Variants in ZNF780A observed in about 807,000 individuals in gnomAD.
ZNF780A encodes the protein zinc finger protein 780A.
Under a neutral mutation model 56.7 loss-of-function variants are expected in ZNF780A, and 40 were observed. That is an observed-to-expected ratio of 0.71 (90% CI 0.55 to 0.92). ZNF780A has a LOEUF of 0.92. Ranked by LOEUF, ZNF780A falls within the 40% of genes least tolerant of loss-of-function variation. The pLI is 0.00. For synonymous variants in ZNF780A, 231 were observed against 248.3 expected (o/e 0.93, Z 0.66); for missense variants, 672 against 783.3 (o/e 0.86, Z 1.70).
At chr19:40,085,296 G>A in intron 2 of ZNF780A, 3 of 985,424 alleles carry the variant, frequency 3.0e-6, no homozygotes, top group Non-Finnish European at 2.4e-6. Context: ...GCACCAAATT[G>A]CACTGACAGT....
At position 40,075,751 on chromosome 19, in the gene ZNF780A, T is replaced by C; in HGVS notation, c.691A>G (p.Ser231Gly). The change falls in exon 6 of 6, where the codon AGT (serine) becomes GGT (glycine). Residue 231 changes from serine to glycine, a missense_variant. Physicochemically the swap from Ser to Gly is moderately conservative, Grantham distance 56. Coordinates refer to ENST00000683561, the MANE Select transcript of ZNF780A (RefSeq NM_001142578.2). ...TGGCGATTAAGCAGGGTAAGAAGAC[T>C]AAAGGCCTTTCCACATTCGTTACAT... ...FECNECGKAF[S>G]LLTLLNRHKN... is the part of the protein sequence containing the mutation. 1 of 1,614,118 alleles carries C rather than the reference T, an allele frequency of 6.2e-7. No individual in the cohort carries two copies. The highest frequency in any genetic ancestry group is 8.5e-7 in the Non-Finnish European group (1 of 1,180,020).
intron 5 of ZNF780A, among the ~76,000 whole-genome samples, chr19:40,080,774 C>G (rs8106043): frequency 0.015 from 2,269 of 152,194 alleles, 31 homozygotes; most frequent in African/African-American, 0.031. Flanking sequence ...CCCACCACAA[C>G]ATGCAATTTA....
chr19:40,080,535 G>A (rs540478185), intron 5 of ZNF780A, among the ~76,000 whole-genome samples: 1 of 152,262 alleles, frequency 6.6e-6, no homozygotes, highest in African/African-American at 2.4e-5. Flanking sequence ...CAATATGGAT[G>A]GCATTGGATG....
chr19:40,084,035 G>C (rs1210954296), intron 3 of ZNF780A, among the ~76,000 whole-genome samples: 35 of 151,938 alleles, frequency 2.3e-4, no homozygotes, highest in Admixed American at 2.3e-3. Flanking sequence ...GTGCAGCTGG[G>C]ATTACAGGTG....
intron 5 of ZNF780A, among the ~76,000 whole-genome samples, chr19:40,077,907 C>A (rs150068794): frequency 2.7e-4 from 39 of 147,160 alleles, no homozygotes; most frequent in African/African-American, 9.2e-4. Context: ...GAGAAGGAAA[C>A]TTGACATCTC....
At chr19:40,081,492 T>A (rs918481253) in intron 5 of ZNF780A, among the ~76,000 whole-genome samples, 3 of 150,728 alleles carry the variant, frequency 2.0e-5, no homozygotes, top group Admixed American at 6.6e-5. Context: ...AAGATCAGAT[T>A]ACTGCACTCC....
chr19:40,086,910 C>A (rs1974831654), intron 2 of ZNF780A, among the ~76,000 whole-genome samples: 1 of 152,088 alleles, frequency 6.6e-6, no homozygotes, highest in African/African-American at 2.4e-5. Flanking sequence ...ACCACGTTGG[C>A]AAGGCTGGTC....
In ZNF780A at chr19:40,075,605, A is replaced by G. The variant is rs755904784; in HGVS notation, c.837T>C (p.Cys279=). The change falls in exon 6 of 6, where the codon TGT becomes TGC. Residue 279 remains cysteine (C), a synonymous_variant. Coordinates refer to ENST00000683561, the MANE Select transcript of ZNF780A (RefSeq NM_001142578.2). ...SIHSGVKPYE[C]KECGKGFNRG... ...GATTAAAGCCTTTCCCACACTCCTT[A>G]CATTCATATGGTTTTACACCAGAAT... 1 of 1,613,752 alleles carries G rather than the reference A, an allele frequency of 6.2e-7. No individual in the cohort carries two copies. Among genetic ancestry groups the G allele is most frequent in the African/African-American group, 1.3e-5 (1 of 74,820 alleles).
Position 40,074,045 on chromosome 19 carries a change from A to G in ZNF780A, c.*471T>C. Reference sequence around the variant, plus strand: ...GTTTCATACCAGTATGAATTCTTTGATGTGCAGTCAGGACCAAACTAAATC... The same window carrying G: ...GTTTCATACCAGTATGAATTCTTTGGTGTGCAGTCAGGACCAAACTAAATC... On this transcript the variant is annotated 3_prime_UTR_variant, in exon 6 of 6. Coordinates refer to ENST00000683561, the MANE Select transcript of ZNF780A (RefSeq NM_001142578.2). The G allele has an allele frequency of 1.6e-6, 2 of 1,216,870 alleles. No homozygotes were observed. Among genetic ancestry groups the G allele is most frequent in the Non-Finnish European group, 1.0e-6 (1 of 958,706 alleles). The allele number at this position is 1,216,870 out of a possible 1,614,324, so 75.4% of individuals were successfully genotyped here.
intron 2 of ZNF780A, among the ~76,000 whole-genome samples, chr19:40,086,625 T>C (rs1242471144): frequency 6.6e-6 from 1 of 150,918 alleles, no homozygotes; most frequent in Non-Finnish European, 1.5e-5. Context: ...TCTTATAGAA[T>C]GCCTTCAGAT....
chr19:40,079,775 T>C (rs1974367577), intron 5 of ZNF780A, among the ~76,000 whole-genome samples: 1 of 152,040 alleles, frequency 6.6e-6, no homozygotes, highest in South Asian at 2.1e-4. Flanking sequence ...AAAAATTTCT[T>C]GAAACAAATG....
At chr19:40,085,287 C>G in intron 2 of ZNF780A, 1 of 985,436 alleles carries the variant, frequency 1.0e-6, no homozygotes, top group Non-Finnish European at 1.2e-6. Flanking sequence ...GCAGTGTTTG[C>G]ACCAAATTGC....
chr19:40,074,658 C>T lies in ZNF780A; in HGVS notation c.1784G>A (p.Arg595Gln), dbSNP rs1241311085. Residue 595 changes from arginine to glutamine, a missense_variant, in exon 6 of 6, where the codon CGA becomes CAA. By Grantham distance (43) the Arg-to-Gln change is conservative. Coordinates refer to ENST00000683561, the MANE Select transcript of ZNF780A (RefSeq NM_001142578.2). ...ATGTCGAATAAGTTGCATATGAAGT[C>T]GAAAGGCTTTCCCACACTCCTTACA... ...FECKECGKAF[R>Q]LHMQLIRHQK... is the part of the protein sequence containing the mutation. 4.3e-6 allele frequency: 7 copies of T among 1,613,492 alleles called. No homozygotes were observed. Among genetic ancestry groups the T allele is most frequent in the East Asian group, 2.2e-5 (1 of 44,862 alleles).
intron 5 of ZNF780A, among the ~76,000 whole-genome samples, chr19:40,078,039 C>T (rs1277802737): frequency 6.7e-6 from 1 of 149,416 alleles, no homozygotes; most frequent in Non-Finnish European, 1.5e-5. Flanking sequence ...TTCGGAAGAA[C>T]AATACAAACA....
chr19:40,081,890 A>G lies in ZNF780A; in HGVS notation c.161T>C (p.Val54Ala). The change falls in exon 5 of 6, where the codon GTA (valine) becomes GCA (alanine). Residue 54 changes from valine (V) to alanine (A), a missense_variant. Physicochemically the swap from Val to Ala is moderately conservative, Grantham distance 64. Coordinates refer to ENST00000683561, the MANE Select transcript of ZNF780A (RefSeq NM_001142578.2). ...TTTCTCTTGCTCTAGTAACGTAATT[A>G]CATCTGGTTTAGAAATGGAACTTCC... is the stretch of plus-strand genomic sequence containing the variant. ...SLGSSISKPD[V>A]ITLLEQEKEP... is the part of the protein sequence containing the mutation. The G allele has an allele frequency of 6.2e-7, 1 of 1,612,192 alleles. No homozygotes were observed. Among genetic ancestry groups the G allele is most frequent in the East Asian group, 2.2e-5 (1 of 44,800 alleles).
chr19:40,089,318 G>T (rs1975004156), intron 2 of ZNF780A: 2 of 1,346,066 alleles, frequency 1.5e-6, no homozygotes, highest in African/African-American at 2.9e-5. Context: ...GATTTAAAAA[G>T]AAAGAATTTC....
Position 40,089,478 on chromosome 19 carries a change from A to T in ZNF780A, c.-46+688T>A, listed in dbSNP as rs1402570876. 4 of 420,882 alleles carry T rather than the reference A, an allele frequency of 9.5e-6. No homozygotes were observed. The East Asian group carries it at 1.4e-4, about 15-fold the overall frequency. 26.1% of individuals were successfully genotyped at this position (420,882 alleles called of 1,614,324 possible). The stretch of plus-strand genomic sequence containing the variant: ...CAAAAAACAACAGTTAAAACATATT[A>T]AACATTATTATATGCCTAGCACTGC... On this transcript the variant is annotated intron_variant, in intron 2 of 5. Coordinates refer to ENST00000683561, the MANE Select transcript of ZNF780A (RefSeq NM_001142578.2).
intron 1 of ZNF780A, 145 bp from the exon 2 acceptor site, chr19:40,090,380 CAG>C (rs1166914681): frequency 3.3e-5 from 5 of 152,190 alleles, no homozygotes; most frequent in Admixed American, 6.5e-5. Context: ...TCGATTCAAC[CAG>C]TACAACCAGT....
At chr19:40,084,648 T>G (rs1974679063) in intron 3 of ZNF780A, 97 bp downstream of exon 3, 1 of 1,276,044 alleles carries the variant, frequency 7.8e-7, no homozygotes, top group African/African-American at 1.5e-5. Context: ...GGGTGTAAGA[T>G]CGTGAATTCT....
Sources: allele counts gnomAD v4.1 joint callset (sites outside exome capture counted in the v4.1 genomes callset), GRCh38; gene constraint gnomAD v4.1.1; transcripts MANE v1.5; gene names NCBI Gene and HGNC (gene_info 2026-07-23, HGNC 2026-07-21).